Variants in SPON2 observed in about 807,000 individuals in gnomAD.
SPON2 encodes spondin-2.
A neutral mutation model predicts 29.9 loss-of-function variants in SPON2; 32 were observed. That is an observed-to-expected ratio of 1.07 (90% CI 0.81 to 1.44). SPON2 has a LOEUF of 1.44. Among genes scored for constraint, SPON2 ranks in the 40% most tolerant of loss-of-function variants. The probability of loss-of-function intolerance (pLI) is 0.00; values close to 1 mark genes in which losing one functional copy is unlikely to be tolerated. For synonymous variants in SPON2, 248 were observed against 209.1 expected (o/e 1.19, Z -1.61); for missense variants, 541 against 455.5 (o/e 1.19, Z -1.71).
chr4:1,196,141 C>G (rs1013524483), upstream of SPON2, among the ~76,000 whole-genome samples: 1 of 152,182 alleles, frequency 6.6e-6, no homozygotes, highest in African/African-American at 2.4e-5. Flanking sequence ...CGAAGCACAT[C>G]GATGGGGTGC....
At chr4:1,206,331 C>T (rs1728341479) in intron 1 of SPON2, among the ~76,000 whole-genome samples, 3 of 152,238 alleles carry the variant, frequency 2.0e-5, no homozygotes, top group South Asian at 4.1e-4. Flanking sequence ...CTCCCCTGGG[C>T]TGACCGTGGG....
At chr4:1,201,827 G>C (rs192497369) in intron 1 of SPON2, among the ~76,000 whole-genome samples, 79 of 152,128 alleles carry the variant, frequency 5.2e-4, no homozygotes, top group African/African-American at 1.8e-3. Flanking sequence ...TCGTGATCCA[G>C]CCACCTCAGC....
upstream of SPON2, chr4:1,172,726 AGGGGCTGCGGGGGCGGCG>A (rs1242697493): frequency 1.3e-5 from 2 of 152,180 alleles, no homozygotes; most frequent in African/African-American, 4.8e-5. Flanking sequence ...AAGGAGGAGA[AGGGGCTGCGGGGGCGGCG>A]GGGGCTGCCG....
Position 1,167,474 on chromosome 4 carries a change from AG to A in SPON2, c.993del (p.Ter332LysfsTer50). ...CCAGGGGCTGCGGGGCTCTGGTCTT[AG>A]ACGCAGTTATCAGGGACGCACTCAG... Reference protein sequence around the residue: ...EEAECVPDNCV With the variant: ...EEAECVPDNCX On this transcript the variant is annotated frameshift_variant, in exon 6 of 6. Transcript: ENST00000290902. LOFTEE classifies it high-confidence loss of function. The A allele has an allele frequency of 6.2e-7, 1 of 1,612,684 alleles. No homozygotes were observed. The highest frequency in any genetic ancestry group is 1.1e-5 in the South Asian group (1 of 90,942).
At chr4:1,201,938 C>T (rs1286742858) in intron 1 of SPON2, among the ~76,000 whole-genome samples, 1 of 152,208 alleles carries the variant, frequency 6.6e-6, no homozygotes, top group East Asian at 1.9e-4. Flanking sequence ...TCCCGCAAAA[C>T]AGCTTCATTG....
intron 1 of SPON2, 198 bp downstream of exon 1, chr4:1,172,346 G>A (rs1385657823): frequency 2.2e-5 from 12 of 553,504 alleles, no homozygotes; most frequent in Non-Finnish European, 3.9e-5. Flanking sequence ...GCCGGTCTGG[G>A]TGCGGCCTCC....
At chr4:1,167,936 G>A (rs1325498503) in intron 5 of SPON2, 1 of 393,500 alleles carries the variant, frequency 2.5e-6, no homozygotes, top group Non-Finnish European at 4.5e-6. Flanking sequence ...TCGTGGCAGA[G>A]TAAGGGGCCC....
chr4:1,197,191 A>G (rs927388481), upstream of SPON2: 4 of 152,330 alleles, frequency 2.6e-5, no homozygotes, highest in Non-Finnish European at 4.4e-5. Flanking sequence ...CACGTTCCTC[A>G]TGGGAAACAG....
chr4:1,174,503 C>CAAAAAA (rs1342876561), upstream of SPON2, among the ~76,000 whole-genome samples: 1 of 124,718 alleles, frequency 8.0e-6, no homozygotes, highest in Admixed American at 7.8e-5. Flanking sequence ...AAAAAAAAAA[C>CAAAAAA]AAAAAAACAA....
At chr4:1,172,252 G>A (rs757016905) in intron 1 of SPON2, 178 bp from the exon 2 acceptor site, 83 of 625,476 alleles carry the variant, frequency 1.3e-4, no homozygotes, top group Non-Finnish European at 2.1e-4. Flanking sequence ...CGGAATGGAC[G>A]GCGCGGGGTT....
upstream of SPON2, among the ~76,000 whole-genome samples, chr4:1,174,486 C>CAAAAAAAAAAAAAAAAAAAAAAAAAAAAA (rs59532169): frequency 2.1e-5 from 2 of 94,254 alleles, no homozygotes; most frequent in Non-Finnish European, 4.3e-5. Context: ...GACTCCATCT[C>CAAAAAAAAAAAAAAAAAAAAAAAAAAAAA]AAAAAAAAAA....
chr4:1,188,657 G>C (rs1577906330), intron 1 of SPON2, among the ~76,000 whole-genome samples: 2 of 152,184 alleles, frequency 1.3e-5, no homozygotes, highest in Admixed American at 1.3e-4. Context: ...ACCTGACACA[G>C]AGCCCCAAGA....
chr4:1,183,169 G>C (rs1287472470), intron 1 of SPON2, among the ~76,000 whole-genome samples: 1 of 149,362 alleles, frequency 6.7e-6, no homozygotes, highest in Non-Finnish European at 1.5e-5. Context: ...TAGAACACGG[G>C]AGGTGGAGGT....
chr4:1,206,612 G>T (rs1243183629), intron 1 of SPON2, among the ~76,000 whole-genome samples: 2 of 152,230 alleles, frequency 1.3e-5, no homozygotes, highest in Non-Finnish European at 2.9e-5. Flanking sequence ...GGACCCAGCG[G>T]GCTGAGTGGG....
At chr4:1,182,595 G>A (rs1727717671) in intron 1 of SPON2, among the ~76,000 whole-genome samples, 1 of 152,188 alleles carries the variant, frequency 6.6e-6, no homozygotes, top group Non-Finnish European at 1.5e-5. Flanking sequence ...TAAGAAACCT[G>A]TGGGACACCA....
chr4:1,174,486 C>CAAAAAAAAAA (rs59532169), upstream of SPON2, among the ~76,000 whole-genome samples: 47 of 94,236 alleles, frequency 5.0e-4, no homozygotes, highest in African/African-American at 1.0e-3. Flanking sequence ...GACTCCATCT[C>CAAAAAAAAAA]AAAAAAAAAA....
At chr4:1,198,859 A>G (rs1728131680), upstream of SPON2, among the ~76,000 whole-genome samples, 3 of 152,198 alleles carry the variant, frequency 2.0e-5, no homozygotes, top group Admixed American at 6.5e-5. Context: ...TAAAATAGAA[A>G]AAAGTGCAAA....
chr4:1,196,037 TC>T (rs1368148520), upstream of SPON2, among the ~76,000 whole-genome samples: 1 of 152,046 alleles, frequency 6.6e-6, no homozygotes, highest in Non-Finnish European at 1.5e-5. Context: ...CCTGGCACCC[TC>T]CCCTCAAGGA....
At chr4:1,176,332 G>A (rs1347468524), upstream of SPON2, among the ~76,000 whole-genome samples, 1 of 152,084 alleles carries the variant, frequency 6.6e-6, no homozygotes, top group African/African-American at 2.4e-5. Context: ...ACACAGAAGA[G>A]TTCCTCTGTG....
Sources: allele counts gnomAD v4.1 joint callset (sites outside exome capture counted in the v4.1 genomes callset), GRCh38; gene constraint gnomAD v4.1.1; transcripts MANE v1.5; gene names NCBI Gene and HGNC (gene_info 2026-07-23, HGNC 2026-07-21).